The following NAA60 variants were observed in gnomAD, a reference collection of about 807,000 sequenced individuals.
The protein encoded by NAA60 is N-alpha-acetyltransferase 60.
Under a neutral mutation model 26.1 loss-of-function variants are expected in NAA60, and 8 were observed. The observed-to-expected ratio is 0.31, with a 90% CI of 0.18 to 0.55. NAA60 has a LOEUF of 0.55. Ranked by LOEUF, NAA60 falls within the 20% of genes least tolerant of loss-of-function variation. The pLI is 0.93. For missense variants in NAA60, 290 were observed against 311.3 expected (o/e 0.93, Z 0.51); for synonymous variants, 131 against 122.5 (o/e 1.07, Z -0.46).
At chr16:3,450,699 CAAAAAAAAAAAAAA>C (rs539095336) in intron 2 of NAA60, among the ~76,000 whole-genome samples, 7,427 of 74,014 alleles carry the variant, frequency 0.1, 692 homozygotes, top group African/African-American at 0.27. Context: ...GACTCCGTCT[CAAAAAAAAAAAAAA>C]AAAAAAAAAA....
intron 2 of NAA60, among the ~76,000 whole-genome samples, chr16:3,465,279 A>AAAAAG (rs1186589818): frequency 6.6e-6 from 1 of 150,560 alleles, no homozygotes; most frequent in Non-Finnish European, 1.5e-5. Flanking sequence ...AAAAAAAAAA[A>AAAAAG]AAAAGAAAAG....
chr16:3,483,885 C>T (rs2037002648), intron 6 of NAA60: 1 of 427,740 alleles, frequency 2.3e-6, no homozygotes. Flanking sequence ...GAGCCCTGCA[C>T]CCAGCTGGAG....
chr16:3,447,723 G>A (rs2034611241), intron 1 of NAA60: 1 of 727,704 alleles, frequency 1.4e-6, no homozygotes, highest in South Asian at 6.2e-5. Flanking sequence ...CTAGTCTCCA[G>A]TCTTATAAGG....
At chr16:3,457,445 A>C (rs1355661208) in intron 2 of NAA60, among the ~76,000 whole-genome samples, 1 of 152,226 alleles carries the variant, frequency 6.6e-6, no homozygotes, top group Non-Finnish European at 1.5e-5. Context: ...CCCTGTCTCA[A>C]CAACAAAAAC....
At chr16:3,455,386 GTTT>G (rs35501650) in intron 2 of NAA60, among the ~76,000 whole-genome samples, 251 of 101,966 alleles carry the variant, frequency 2.5e-3, no homozygotes, top group East Asian at 5.9e-3. Flanking sequence ...AGAGTTTTTA[GTTT>G]TTTTTTTTTT....
intron 2 of NAA60, among the ~76,000 whole-genome samples, chr16:3,473,682 G>A (rs931572249): frequency 1.3e-5 from 2 of 151,830 alleles, no homozygotes; most frequent in Non-Finnish European, 1.5e-5. Flanking sequence ...TTACAGGTGC[G>A]AGCCACCATG....
intron 2 of NAA60, among the ~76,000 whole-genome samples, chr16:3,449,143 C>T (rs192635460): frequency 1.3e-3 from 202 of 152,186 alleles, no homozygotes; most frequent in Admixed American, 2.4e-3. Context: ...GGAGGTGAGG[C>T]GGGTAGATCT....
At chr16:3,475,781 G>A (rs545679901) in intron 2 of NAA60, among the ~76,000 whole-genome samples, 3 of 152,314 alleles carry the variant, frequency 2.0e-5, no homozygotes, top group East Asian at 3.9e-4. Context: ...CCCGGCCACC[G>A]GGCTGCTTTG....
chr16:3,473,206 G>A (rs1472993609), intron 2 of NAA60, among the ~76,000 whole-genome samples: 1 of 151,980 alleles, frequency 6.6e-6, no homozygotes, highest in Non-Finnish European at 1.5e-5. Flanking sequence ...GCTAATGTTT[G>A]TATTTTTAGT....
intron 2 of NAA60, among the ~76,000 whole-genome samples, chr16:3,460,664 C>A (rs1381509485): frequency 6.6e-6 from 1 of 152,196 alleles, no homozygotes; most frequent in Non-Finnish European, 1.5e-5. Context: ...TGCATCCAGC[C>A]CGCCCTCATG....
At chr16:3,452,221 TAAAA>T (rs1198454228) in intron 2 of NAA60, among the ~76,000 whole-genome samples, 1 of 151,872 alleles carries the variant, frequency 6.6e-6, no homozygotes, top group Non-Finnish European at 1.5e-5. Context: ...TCAAAAAAAT[TAAAA>T]AAGACTAATT....
At chr16:3,479,189 G>A (rs1312624948) in intron 3 of NAA60, among the ~76,000 whole-genome samples, 1 of 152,158 alleles carries the variant, frequency 6.6e-6, no homozygotes, top group African/African-American at 2.4e-5. Context: ...GCAGTGAGCC[G>A]AGATCACGCC....
intron 1 of NAA60, among the ~76,000 whole-genome samples, chr16:3,445,257 T>C (rs981433103): frequency 1.4e-4 from 21 of 151,628 alleles, no homozygotes; most frequent in Non-Finnish European, 2.7e-4. Context: ...ATCTTTCCCT[T>C]CTTGGTTTGT....
chr16:3,470,715 T>G (rs2036080290), intron 2 of NAA60, among the ~76,000 whole-genome samples: 1 of 152,194 alleles, frequency 6.6e-6, no homozygotes, highest in African/African-American at 2.4e-5. Flanking sequence ...TCCGACTTGA[T>G]CAGCATGAAC....
At chr16:3,451,152 A>G (rs1273672619) in intron 2 of NAA60, among the ~76,000 whole-genome samples, 2 of 152,238 alleles carry the variant, frequency 1.3e-5, no homozygotes, top group Non-Finnish European at 2.9e-5. Context: ...TGTGTGTAAT[A>G]ACACATTTCC....
intron 2 of NAA60, among the ~76,000 whole-genome samples, chr16:3,464,554 G>C (rs2035617863): frequency 6.6e-6 from 1 of 152,156 alleles, no homozygotes; most frequent in Admixed American, 6.5e-5. Context: ...GCGGTACAGA[G>C]GGTTTCCTGT....
chr16:3,464,566 G>A (rs1021437602), intron 2 of NAA60, among the ~76,000 whole-genome samples: 3 of 152,134 alleles, frequency 2.0e-5, no homozygotes, highest in Non-Finnish European at 4.4e-5. Context: ...GTTTCCTGTA[G>A]CCTTAAGTTT....
Position 3,484,981 on chromosome 16 carries a change from G to A in NAA60, c.*126G>A, listed in dbSNP as rs2037078628. 6.5e-7 allele frequency: 1 copy of A among 1,528,334 alleles called. No individual in the cohort carries two copies. The highest frequency in any genetic ancestry group is 8.8e-7 in the Non-Finnish European group (1 of 1,139,918). The allele number at this position is 1,528,334 out of a possible 1,614,324, so 94.7% of individuals were successfully genotyped here. A position where few individuals can be genotyped will look rare whatever the true frequency, so the allele number is the denominator to read the frequency against. On this transcript the variant is annotated 3_prime_UTR_variant, in exon 7 of 8. Coordinates refer to ENST00000407558, the MANE Select transcript of NAA60 (RefSeq NM_001083601.3). ...GCCATCTAACTGGGCTCGTCGGCCT[G>A]CCCCAGCTGCAGGCCCGGTGCTACA... is the stretch of plus-strand genomic sequence containing the variant.
chr16:3,470,210 T>C (rs2036039167), intron 2 of NAA60, among the ~76,000 whole-genome samples: 1 of 152,128 alleles, frequency 6.6e-6, no homozygotes, highest in Non-Finnish European at 1.5e-5. Flanking sequence ...GGCTGGGAAA[T>C]GGGTGACCCT....
Sources: allele counts gnomAD v4.1 joint callset (sites outside exome capture counted in the v4.1 genomes callset), GRCh38; gene constraint gnomAD v4.1.1; transcripts MANE v1.5; gene names NCBI Gene and HGNC (gene_info 2026-07-23, HGNC 2026-07-21).